The following SEC31B variants were observed in gnomAD, a reference collection of about 807,000 sequenced individuals.
SEC31B encodes protein transport protein Sec31B.
In SEC31B, 113 loss-of-function variants were observed where a neutral mutation model predicts 135.0. The ratio of observed to expected loss-of-function variants is 0.84; its 90% confidence interval spans 0.72 to 0.98. The LOEUF is 0.98. Among genes scored for constraint, SEC31B ranks in the 50% least tolerant of loss-of-function variants. The pLI is 0.00. For synonymous variants in SEC31B, 508 were observed against 549.4 expected, an observed-to-expected ratio of 0.92 and a Z score of 1.05; for missense variants, 1,296 against 1,421.1, an observed-to-expected ratio of 0.91 and a Z score of 1.42.
intron 1 of SEC31B, among the ~76,000 whole-genome samples, chr10:100,518,036 A>T (rs181516616): frequency 1.3e-5 from 2 of 152,108 alleles, no homozygotes; most frequent in African/African-American, 4.8e-5. Flanking sequence ...TCCCCTTTCT[A>T]CTCAAGCCAT....
At position 100,508,009 on chromosome 10, in the gene SEC31B, C is replaced by A; in HGVS notation, c.538G>T (p.Ala180Ser). 8 of 1,614,226 alleles carry A rather than the reference C, an allele frequency of 5.0e-6. No individual in the cohort carries two copies. Among genetic ancestry groups the A allele is most frequent in the Non-Finnish European group, 6.8e-6 (8 of 1,180,036 alleles). Reference protein sequence around the residue: ...DIKALSWNRQAQHILSSAHPS... With the variant: ...DIKALSWNRQSQHILSSAHPS... ...TGAGCAGAAGACAGAATGTGTTGGG[C>A]TTGCCGGTTCCAAGACAGTGCCTTG... The change falls in exon 6 of 26, where the codon GCC (alanine) becomes TCC (serine). Residue 180 changes from alanine to serine, a missense_variant. Physicochemically the swap from Ala to Ser is moderately conservative, Grantham distance 99. Transcript: ENST00000370345.
At chr10:100,510,854 A>G (rs1851724294) in intron 3 of SEC31B, among the ~76,000 whole-genome samples, 2 of 152,226 alleles carry the variant, frequency 1.3e-5, no homozygotes, top group South Asian at 4.1e-4. Flanking sequence ...AATGATCTTA[A>G]TACAGCAGAA....
At chr10:100,503,683 C>T (rs915688913) in intron 10 of SEC31B, among the ~76,000 whole-genome samples, 5 of 151,960 alleles carry the variant, frequency 3.3e-5, no homozygotes, top group African/African-American at 1.2e-4. Context: ...GATCCACCTG[C>T]CTCGGCCTCC....
At chr10:100,503,360 C>T (rs1851558457) in intron 10 of SEC31B, among the ~76,000 whole-genome samples, 1 of 152,076 alleles carries the variant, frequency 6.6e-6, no homozygotes, top group Non-Finnish European at 1.5e-5. Flanking sequence ...CAATCAGAAA[C>T]TCTGGGGATG....
intron 7 of SEC31B, among the ~76,000 whole-genome samples, chr10:100,506,977 T>A (rs549525411): frequency 1.4e-4 from 22 of 151,940 alleles, no homozygotes; most frequent in African/African-American, 4.8e-4. Context: ...AAAATAAAGG[T>A]ACCCAAGGAG....
Position 100,496,270 on chromosome 10 carries a change from C to T in SEC31B, c.2298G>A (p.Arg766=), listed in dbSNP as rs1851406389. 6.2e-7 allele frequency: 1 copy of T among 1,613,940 alleles called. No individual in the cohort carries two copies. The highest frequency in any genetic ancestry group is 2.2e-5 in the East Asian group (1 of 44,884). ...SLATAMSFLP[R]DCAQPPVQQL... is the part of the protein sequence containing the mutation. ...TGGCCCCACTTACCTGAGCACAGTCCCTGGGTAGAAAGCTCATGGCAGTGG... is the reference window on the plus strand; with the variant it reads ...TGGCCCCACTTACCTGAGCACAGTCTCTGGGTAGAAAGCTCATGGCAGTGG... The change falls in exon 18 of 26, where the codon AGG becomes AGA. Residue 766 remains arginine, a synonymous_variant. Coordinates refer to ENST00000370345, the MANE Select transcript of SEC31B (RefSeq NM_015490.4).
chr10:100,489,565 G>C, intron 22 of SEC31B, 138 bp downstream of exon 22: 6 of 1,390,446 alleles, frequency 4.3e-6, no homozygotes, highest in South Asian at 1.2e-5. Context: ...GAAAGAAGAG[G>C]GTTCTGAGGA....
intron 3 of SEC31B, among the ~76,000 whole-genome samples, chr10:100,511,822 C>T (rs10509744): frequency 0.21 from 31,258 of 152,046 alleles, 3,330 homozygotes; most frequent in South Asian, 0.23. Context: ...GTGATTAAGG[C>T]AGTACTCCAA....
chr10:100,514,803 TAC>T (rs1390138836), intron 3 of SEC31B, among the ~76,000 whole-genome samples: 1 of 151,818 alleles, frequency 6.6e-6, no homozygotes, highest in East Asian at 1.9e-4. Flanking sequence ...TAACAGAAAT[TAC>T]ACTTTATTAG....
intron 3 of SEC31B, among the ~76,000 whole-genome samples, chr10:100,514,151 C>A (rs1323734597): frequency 6.6e-6 from 1 of 152,062 alleles, no homozygotes; most frequent in Non-Finnish European, 1.5e-5. Context: ...AGCCACCACA[C>A]TCCAGCCTGG....
In SEC31B at chr10:100,516,203, C is replaced by T. The variant is rs765875006; in HGVS notation, c.96G>A (p.Gln32=). 3 of 1,613,656 alleles carry T rather than the reference C, an allele frequency of 1.9e-6. No individual in the cohort carries two copies. In the Admixed American group the frequency reaches 5.0e-5, roughly 27 times the overall value. The change falls in exon 3 of 26, where the codon CAG becomes CAA. Residue 32 remains glutamine (Q), a synonymous_variant. Transcript: ENST00000370345. ...CATTTGTGCTGAAGGAGGAATCTAG[C>T]TGTTGGGCAGATGTTCCTAGGCACA... ...LYLATGTSAQ[Q]LDSSFSTNGT...
At chr10:100,492,223 C>CTATT (rs893896568) in intron 19 of SEC31B, among the ~76,000 whole-genome samples, 3 of 152,102 alleles carry the variant, frequency 2.0e-5, no homozygotes, top group African/African-American at 7.2e-5. Flanking sequence ...TTCATGTTCA[C>CTATT]TATTTATTTA....
chr10:100,516,221 T>C lies in SEC31B; in HGVS notation c.80-2A>G. On this transcript the variant is annotated splice_acceptor_variant, in intron 2 of 25. Coordinates refer to ENST00000370345, the MANE Select transcript of SEC31B (RefSeq NM_015490.4). LOFTEE classifies it high-confidence loss of function. ...AATCTAGCTGTTGGGCAGATGTTCC[T>C]AGGCACAAGAAAAGGCAGCATATGA... 4 of 1,613,002 alleles carry C rather than the reference T, an allele frequency of 2.5e-6. No homozygotes were observed. The highest frequency in any genetic ancestry group is 2.5e-6 in the Non-Finnish European group (3 of 1,179,724).
intron 20 of SEC31B, 48 bp from the exon 21 acceptor site, chr10:100,490,370 G>A: frequency 6.5e-7 from 1 of 1,537,480 alleles, no homozygotes; most frequent in Non-Finnish European, 8.8e-7. Context: ...TTCATTTCAG[G>A]AGCAACTCAG....
intron 19 of SEC31B, among the ~76,000 whole-genome samples, chr10:100,493,994 CAAGG>C (rs1202532777): frequency 8.0e-6 from 1 of 125,714 alleles, no homozygotes; most frequent in African/African-American, 3.2e-5. Context: ...AAAGGGGAGA[CAAGG>C]GAGGGAAGAA....
chr10:100,508,789 C>T (rs909521689), intron 5 of SEC31B: 22 of 577,702 alleles, frequency 3.8e-5, no homozygotes, highest in East Asian at 5.9e-5. Flanking sequence ...ACTCTTAGAA[C>T]GAGTAATGAG....
intron 10 of SEC31B, among the ~76,000 whole-genome samples, chr10:100,503,554 C>T (rs1851566742): frequency 6.6e-6 from 1 of 151,920 alleles, no homozygotes; most frequent in Non-Finnish European, 1.5e-5. Flanking sequence ...CTGCCTCAGC[C>T]TCCCAAGTAG....
chr10:100,499,522 A>T lies in SEC31B; in HGVS notation c.1485+2T>A, dbSNP rs779402259. The T allele has an allele frequency of 6.2e-7, 1 of 1,604,840 alleles. No individual in the cohort carries two copies. Among genetic ancestry groups the T allele is most frequent in the Admixed American group, 1.7e-5 (1 of 58,352 alleles). ...ATGTTTCTGATGTGAAAAGCAGCTT[A>T]CCTTCTTCTGAAGCTCATCTTTACT... On this transcript the variant is annotated splice_donor_variant, in intron 12 of 25. Transcript: ENST00000370345. LOFTEE classifies it high-confidence loss of function.
intron 4 of SEC31B, 70 bp from the exon 5 acceptor site, chr10:100,509,172 G>T: frequency 3.9e-6 from 6 of 1,532,712 alleles, no homozygotes; most frequent in South Asian, 1.1e-5. Context: ...GAGGAAAGAA[G>T]CCCAAATTTG....
Sources: allele counts gnomAD v4.1 joint callset (sites outside exome capture counted in the v4.1 genomes callset), GRCh38; gene constraint gnomAD v4.1.1; transcripts MANE v1.5; gene names NCBI Gene and HGNC (gene_info 2026-07-23, HGNC 2026-07-21).